Variants in DLG2 observed in about 807,000 individuals in gnomAD.
The protein encoded by DLG2 is discs large MAGUK scaffold protein 2, also known as disks large homolog 2.
In DLG2, 45 loss-of-function variants were observed where a neutral mutation model predicts 132.5. That is an observed-to-expected ratio of 0.34 (90% CI 0.27 to 0.44). DLG2 has a LOEUF of 0.44. Among genes scored for constraint, DLG2 ranks in the 20% least tolerant of loss-of-function variants. DLG2 has a pLI of 1.00. For missense variants in DLG2, 1,045 were observed against 1,196.9 expected, an observed-to-expected ratio of 0.87 and a Z score of 1.87; for synonymous variants, 424 against 419.6, an observed-to-expected ratio of 1.01 and a Z score of -0.13.
At chr11:84,946,549 A>T (rs1302482632) in intron 6 of DLG2, among the ~76,000 whole-genome samples, 2 of 152,014 alleles carry the variant, frequency 1.3e-5, no homozygotes, top group Non-Finnish European at 1.5e-5. Flanking sequence ...GACTCTGCCT[A>T]GTGCCCTATT....
chr11:84,024,183 G>T (rs1173479956), intron 11 of DLG2, among the ~76,000 whole-genome samples: 1 of 152,058 alleles, frequency 6.6e-6, no homozygotes, highest in Admixed American at 6.6e-5. Flanking sequence ...GGATCTGAAG[G>T]CACGAGAAAG....
At chr11:84,321,237 T>C (rs2098402861) in intron 7 of DLG2, among the ~76,000 whole-genome samples, 1 of 152,164 alleles carries the variant, frequency 6.6e-6, no homozygotes, top group African/African-American at 2.4e-5. Context: ...ATGACCACTG[T>C]GATGTCTAAC....
intron 6 of DLG2, among the ~76,000 whole-genome samples, chr11:84,737,833 G>A (rs1375264757): frequency 6.6e-6 from 1 of 152,016 alleles, no homozygotes; most frequent in Admixed American, 6.6e-5. Context: ...AGATATGGGG[G>A]AAATTCAGTA....
At chr11:84,792,853 T>G (rs568974377) in intron 6 of DLG2, among the ~76,000 whole-genome samples, 1 of 152,268 alleles carries the variant, frequency 6.6e-6, no homozygotes, top group African/African-American at 2.4e-5. Context: ...TGCATTTATC[T>G]TTTCAAAAAC....
chr11:84,748,633 A>G (rs2065703514), intron 6 of DLG2, among the ~76,000 whole-genome samples: 1 of 152,190 alleles, frequency 6.6e-6, no homozygotes, highest in African/African-American at 2.4e-5. Context: ...TAAAACATAA[A>G]TAAATTTTGG....
At chr11:84,814,605 T>G (rs2076909879) in intron 6 of DLG2, among the ~76,000 whole-genome samples, 1 of 152,058 alleles carries the variant, frequency 6.6e-6, no homozygotes, top group Admixed American at 6.6e-5. Context: ...TACGTGCAGT[T>G]CTCTCCATGC....
At chr11:84,665,318 G>C (rs367893168) in intron 6 of DLG2, among the ~76,000 whole-genome samples, 2 of 152,170 alleles carry the variant, frequency 1.3e-5, no homozygotes, top group South Asian at 4.2e-4. Flanking sequence ...ACAGATGAGG[G>C]AATGGAAGCA....
rs113734295 is a variant in DLG2, at chr11:85,340,216, A to C, written c.41-54851T>G. Among the ~76,000 whole-genome samples, 11 of 152,344 alleles carry C rather than the reference A, an allele frequency of 7.2e-5. 1 individual carries two copies. The highest frequency in any genetic ancestry group is 2.4e-4 in the African/African-American group (10 of 41,584). ...TATGTTTATTGTGGCACTATTCACA[A>C]TAGCAAAGACTTGGAACCAACCCAA... On this transcript the variant is annotated intron_variant, in intron 3 of 27. Transcript: ENST00000376104.
intron 4 of DLG2, among the ~76,000 whole-genome samples, chr11:85,215,846 A>G (rs2082554945): frequency 6.6e-6 from 1 of 152,278 alleles, no homozygotes; most frequent in East Asian, 1.9e-4. Context: ...TTGTCAATTT[A>G]ATTTACAGGG....
chr11:84,470,759 A>T (rs922854454), intron 7 of DLG2, among the ~76,000 whole-genome samples: 1 of 151,860 alleles, frequency 6.6e-6, no homozygotes, highest in Non-Finnish European at 1.5e-5. Flanking sequence ...GAAGTGATAA[A>T]AAAAGGTAGA....
chr11:84,951,659 T>C (rs2050940152), intron 6 of DLG2, among the ~76,000 whole-genome samples: 1 of 149,622 alleles, frequency 6.7e-6, no homozygotes, highest in South Asian at 2.1e-4. Flanking sequence ...ATATGCATTC[T>C]ATATATATAT....
intron 5 of DLG2, among the ~76,000 whole-genome samples, chr11:85,120,429 T>C (rs1156661385): frequency 6.6e-6 from 1 of 152,080 alleles, no homozygotes; most frequent in Non-Finnish European, 1.5e-5. Flanking sequence ...TATCTAGAAA[T>C]CCTAAGAGAT....
chr11:85,028,336 T>C (rs1218482329), intron 6 of DLG2, among the ~76,000 whole-genome samples: 1 of 152,150 alleles, frequency 6.6e-6, no homozygotes, highest in Non-Finnish European at 1.5e-5. Flanking sequence ...CCATAAGTTC[T>C]CACTGTAAGC....
At position 84,545,459 on chromosome 11, in the gene DLG2, A is replaced by G. The variant is rs370678732; in HGVS notation, c.358-10728T>C. The G allele has an allele frequency of 5.8e-3, 2,455 of 422,826 alleles. 41 individuals carry two copies. Among genetic ancestry groups the G allele is most frequent in the South Asian group, 0.031 (1,611 of 52,530 alleles). 26.2% of individuals were successfully genotyped at this position (422,826 alleles called of 1,614,324 possible). On this transcript the variant is annotated intron_variant, in intron 6 of 27. Transcript: ENST00000376104. ...CTCCACAATCATAGTTCATACCAAA[A>G]CCACCTCCACAACCACCACCAAAGC...
At chr11:84,238,590 C>T (rs2097188715) in intron 8 of DLG2, among the ~76,000 whole-genome samples, 1 of 147,490 alleles carries the variant, frequency 6.8e-6, no homozygotes, top group Non-Finnish European at 1.5e-5. Flanking sequence ...TAAATTACCC[C>T]AAGCATCACA....
intron 9 of DLG2, among the ~76,000 whole-genome samples, chr11:84,159,688 TG>T (rs1332258363): frequency 2.0e-5 from 3 of 152,180 alleles, no homozygotes; most frequent in African/African-American, 7.2e-5. Context: ...TGGTATGATC[TG>T]GCTTATATTA....
At chr11:83,860,764 C>G (rs1345921871) in intron 16 of DLG2, among the ~76,000 whole-genome samples, 1 of 152,130 alleles carries the variant, frequency 6.6e-6, no homozygotes, top group Non-Finnish European at 1.5e-5. Context: ...CACTGTGTCC[C>G]CACCTAAATC....
At position 83,459,720 on chromosome 11, in the gene DLG2, T is replaced by C; in HGVS notation, c.*98A>G. 1 of 673,760 alleles carries C rather than the reference T, an allele frequency of 1.5e-6. No individual in the cohort carries two copies. The highest frequency in any genetic ancestry group is 1.9e-5 in the South Asian group (1 of 52,236). 41.7% of individuals were successfully genotyped at this position (673,760 alleles called of 1,614,324 possible). ...AGAATTCACATTGACTGCAAAAACA[T>C]AAATGCAACAAAAACATAAAAGCCT... On this transcript the variant is annotated 3_prime_UTR_variant, in exon 28 of 28. Transcript: ENST00000376104.
chr11:84,385,142 C>A (rs539091567), intron 7 of DLG2, among the ~76,000 whole-genome samples: 1 of 152,164 alleles, frequency 6.6e-6, no homozygotes, highest in South Asian at 2.1e-4. Flanking sequence ...AACATTTACC[C>A]TTCCACACTT....
Sources: gnomAD v4.1 joint callset for allele counts (sites outside exome capture counted in the v4.1 genomes callset) on GRCh38, gnomAD v4.1.1 for gene constraint, MANE v1.5 for transcripts, NCBI Gene and HGNC (gene_info 2026-07-23, HGNC 2026-07-21) for gene names.